The following CTNND2 variants were observed in gnomAD, a reference collection of about 807,000 sequenced individuals.
The protein encoded by CTNND2 is catenin delta-2.
In CTNND2, 22 loss-of-function variants were observed where a neutral mutation model predicts 144.4. The observed-to-expected ratio is 0.15, with a 90% CI of 0.11 to 0.22. The LOEUF is 0.22. CTNND2 is among the 10% of genes least tolerant of loss of function. The probability of loss-of-function intolerance (pLI) is 1.00; values close to 1 mark genes in which losing one functional copy is unlikely to be tolerated. For synonymous variants in CTNND2, 751 were observed against 695.6 expected (o/e 1.08, Z -1.25); for missense variants, 1,353 against 1,618.8 (o/e 0.84, Z 2.82).
rs189294803 is a variant in CTNND2 at position 11,060,706 on chromosome 5, A to G, written c.2788+21990T>C. On this transcript the variant is annotated intron_variant, in intron 16 of 21. Coordinates refer to ENST00000304623, the MANE Select transcript of CTNND2 (RefSeq NM_001332.4). ...GAACTTAAAATGGCTTCACGTGATG[A>G]CCTACAGTCAACCTAAAATAATCTG... Among the ~76,000 whole-genome samples, 7 of 152,294 alleles carry G rather than the reference A, an allele frequency of 4.6e-5. No individual in the cohort carries two copies. In the East Asian group the frequency reaches 1.2e-3, roughly 25 times the overall value.
intron 1 of CTNND2, among the ~76,000 whole-genome samples, chr5:11,840,838 C>CT (rs1425107783): frequency 2.0e-5 from 3 of 152,116 alleles, no homozygotes; most frequent in African/African-American, 7.2e-5. Flanking sequence ...GCCCATGTAT[C>CT]TATACATTCA....
intron 17 of CTNND2, 88 bp from the exon 18 acceptor site, chr5:11,018,146 A>G (rs1580053561): frequency 3.6e-6 from 3 of 835,742 alleles, no homozygotes; most frequent in East Asian, 2.5e-5. Flanking sequence ...AAACCTCTTC[A>G]TTATTATTAT....
chr5:11,574,496 C>T (rs1401144980), intron 2 of CTNND2, among the ~76,000 whole-genome samples: 2 of 152,050 alleles, frequency 1.3e-5, no homozygotes, highest in African/African-American at 2.4e-5. Context: ...AGGAACAATA[C>T]AGCAAAAATA....
At chr5:11,165,189 T>C (rs1198058396) in intron 11 of CTNND2, among the ~76,000 whole-genome samples, 2 of 152,212 alleles carry the variant, frequency 1.3e-5, no homozygotes, top group Admixed American at 6.5e-5. Flanking sequence ...AGTGGGATTA[T>C]TTACTTTGAA....
In CTNND2 at chr5:11,711,427, C is replaced by T. The variant is rs1415786744; in HGVS notation, c.174+20709G>A. Among the ~76,000 whole-genome samples the T allele has an allele frequency of 4.6e-5, 7 of 152,140 alleles. No individual in the cohort carries two copies. The South Asian group carries it at 1.2e-3, about 27-fold the overall frequency. On this transcript the variant is annotated intron_variant, in intron 2 of 21. Coordinates refer to ENST00000304623, the MANE Select transcript of CTNND2 (RefSeq NM_001332.4). ...ATAGTCCTAATTTTAACATGTAGGGCATGCTCATTGCACGCCACTTACATA... is the reference window on the plus strand; with the variant it reads ...ATAGTCCTAATTTTAACATGTAGGGTATGCTCATTGCACGCCACTTACATA...
intron 9 of CTNND2, among the ~76,000 whole-genome samples, chr5:11,244,924 A>G (rs1742839704): frequency 2.0e-5 from 3 of 152,222 alleles, no homozygotes; most frequent in African/African-American, 7.2e-5. Flanking sequence ...AATTTGTATT[A>G]TTAATTATAC....
chr5:11,247,314 G>A (rs1007887066), intron 9 of CTNND2, among the ~76,000 whole-genome samples: 1 of 152,124 alleles, frequency 6.6e-6, no homozygotes, highest in South Asian at 2.1e-4. Flanking sequence ...GGAATTCCTG[G>A]AGGGGTGCAT....
At chr5:11,288,860 A>T (rs1748018761) in intron 9 of CTNND2, among the ~76,000 whole-genome samples, 1 of 150,316 alleles carries the variant, frequency 6.7e-6, no homozygotes, top group African/African-American at 2.4e-5. Flanking sequence ...AAAAAAAAAA[A>T]GAAAACCAAA....
chr5:11,686,127 G>A (rs973738476), intron 2 of CTNND2, among the ~76,000 whole-genome samples: 4 of 151,910 alleles, frequency 2.6e-5, no homozygotes, highest in Non-Finnish European at 4.4e-5. Flanking sequence ...GACTGCTTGA[G>A]CTCAGGAAGT....
intron 9 of CTNND2, among the ~76,000 whole-genome samples, chr5:11,249,181 A>G (rs927747084): frequency 1.1e-4 from 17 of 152,086 alleles, no homozygotes; most frequent in African/African-American, 3.6e-4. Flanking sequence ...TTATGGGTTC[A>G]TTTCCTGATA....
intron 11 of CTNND2, among the ~76,000 whole-genome samples, chr5:11,169,334 TG>T (rs1374424630): frequency 6.6e-6 from 1 of 152,190 alleles, no homozygotes; most frequent in African/African-American, 2.4e-5. Flanking sequence ...TGCTGATCAA[TG>T]GGTTTTTATG....
intron 18 of CTNND2, among the ~76,000 whole-genome samples, chr5:11,009,794 A>T (rs1330415696): frequency 6.6e-6 from 1 of 152,242 alleles, no homozygotes; most frequent in Non-Finnish European, 1.5e-5. Context: ...CTTCTTGTTT[A>T]GCAACTGCCA....
At chr5:11,411,986 T>G (rs1157124717) in intron 4 of CTNND2, 49 bp downstream of exon 4, 34 of 1,441,894 alleles carry the variant, frequency 2.4e-5, no homozygotes, top group Non-Finnish European at 3.3e-5. Flanking sequence ...AAGTCATCAG[T>G]AGAGATATGT....
At chr5:11,506,551 TG>T (rs779611179) in intron 3 of CTNND2, among the ~76,000 whole-genome samples, 7 of 152,228 alleles carry the variant, frequency 4.6e-5, no homozygotes, top group Non-Finnish European at 1.0e-4. Context: ...AGATTTTAGC[TG>T]CTCTTGCTAC....
chr5:11,184,638 C>T (rs1254823314), intron 11 of CTNND2, among the ~76,000 whole-genome samples: 2 of 152,016 alleles, frequency 1.3e-5, no homozygotes, highest in African/African-American at 2.4e-5. Flanking sequence ...TTAAGTTGGC[C>T]GACTGTCATT....
chr5:11,211,286 C>T lies in CTNND2; in HGVS notation c.1762-11625G>A, dbSNP rs61751776. Among the ~76,000 whole-genome samples the T allele has an allele frequency of 5.5e-4, 83 of 152,052 alleles. 2 individuals carry two copies. Among genetic ancestry groups the T allele is most frequent in the African/African-American group, 1.9e-3 (80 of 41,462 alleles). On this transcript the variant is annotated intron_variant, in intron 10 of 21. Coordinates refer to ENST00000304623, the MANE Select transcript of CTNND2 (RefSeq NM_001332.4). ...AGAGAGGCAGTGGGGCTGGGGGAGG[C>T]GAGATGAGGTTGCAGGGCCCTGGGT...
chr5:11,647,930 G>A (rs866108035), intron 2 of CTNND2, among the ~76,000 whole-genome samples: 13 of 152,254 alleles, frequency 8.5e-5, no homozygotes, highest in East Asian at 1.9e-4. Flanking sequence ...TCATGTTCAC[G>A]GACAGAGTCA....
intron 2 of CTNND2, among the ~76,000 whole-genome samples, chr5:11,711,502 A>C (rs1050401756): frequency 6.6e-6 from 1 of 152,222 alleles, no homozygotes; most frequent in African/African-American, 2.4e-5. Flanking sequence ...AAAAAAATCA[A>C]GCAGATATTC....
At chr5:11,481,509 G>A (rs1445447982) in intron 3 of CTNND2, among the ~76,000 whole-genome samples, 3 of 152,148 alleles carry the variant, frequency 2.0e-5, no homozygotes, top group Admixed American at 6.6e-5. Flanking sequence ...AGGCTGAGAT[G>A]GGAGGATCAC....
Sources: allele counts gnomAD v4.1 joint callset (sites outside exome capture counted in the v4.1 genomes callset), GRCh38; gene constraint gnomAD v4.1.1; transcripts MANE v1.5; gene names NCBI Gene and HGNC (gene_info 2026-07-23, HGNC 2026-07-21).